NTM: variants seen among roughly 807,000 people sequenced by gnomAD.
The protein encoded by NTM is neurotrimin.
A neutral mutation model predicts 42.1 loss-of-function variants in NTM; 13 were observed. The ratio of observed to expected loss-of-function variants is 0.31; its 90% CI spans 0.20 to 0.49. The LOEUF is 0.49. NTM is among the 20% of genes least tolerant of loss of function. NTM has a pLI of 0.99. For synonymous variants in NTM, 187 were observed against 179.2 expected, an observed-to-expected ratio of 1.04 and a Z score of -0.35; for missense variants, 373 against 452.8, an observed-to-expected ratio of 0.82 and a Z score of 1.60.
intron 1 of NTM, among the ~76,000 whole-genome samples, chr11:131,834,779 C>G (rs866141057): frequency 2.0e-4 from 30 of 151,946 alleles, no homozygotes; most frequent in African/African-American, 6.8e-4. Flanking sequence ...AGCCATGATC[C>G]AATCTAGGCA....
intron 1 of NTM, among the ~76,000 whole-genome samples, chr11:131,789,847 A>G (rs188537283): frequency 2.0e-5 from 3 of 149,404 alleles, no homozygotes; most frequent in African/African-American, 4.9e-5. Flanking sequence ...TCCCAGCTAC[A>G]CGGGAGGCTG....
At chr11:132,126,610 T>A (rs1320889547) in intron 2 of NTM, among the ~76,000 whole-genome samples, 1 of 152,158 alleles carries the variant, frequency 6.6e-6, no homozygotes, top group Non-Finnish European at 1.5e-5. Flanking sequence ...GTTTTACTTT[T>A]ATTTCTCCCA....
chr11:131,989,106 C>T (rs965585627), intron 2 of NTM, among the ~76,000 whole-genome samples: 5 of 152,084 alleles, frequency 3.3e-5, no homozygotes, highest in South Asian at 2.1e-4. Context: ...TGAGATACAT[C>T]GTTAAATATG....
At chr11:132,112,249 T>C (rs1271719508) in intron 2 of NTM, among the ~76,000 whole-genome samples, 1 of 148,622 alleles carries the variant, frequency 6.7e-6, no homozygotes, top group Non-Finnish European at 1.5e-5. Flanking sequence ...CCATTTGTCC[T>C]GTCCACTATA....
intron 2 of NTM, among the ~76,000 whole-genome samples, chr11:131,948,226 G>C (rs1209358335): frequency 2.6e-5 from 4 of 151,876 alleles, no homozygotes; most frequent in African/African-American, 2.4e-5. Context: ...TTAGCCAGGC[G>C]TGGTGGTGGG....
In NTM at chr11:132,146,525, G is replaced by C; in HGVS notation, c.400+11G>C. On this transcript the variant is annotated intron_variant, in intron 3 of 8. Transcript: ENST00000683400. The surrounding 1 kb of genome is among the most constrained non-coding windows in gnomAD (Gnocchi z 4.5). ...ACCTCATTGTGCAAGGTAGGTGGGC[G>C]GGGCTTGGCGGGGAGATCTGGCTGG... 1.2e-6 allele frequency: 2 copies of C among 1,610,508 alleles called. No individual in the cohort carries two copies. The highest frequency in any genetic ancestry group is 1.7e-6 in the Non-Finnish European group (2 of 1,177,224).
chr11:131,446,253 C>A (rs931620691), intron 1 of NTM, among the ~76,000 whole-genome samples: 2 of 148,246 alleles, frequency 1.3e-5, no homozygotes, highest in African/African-American at 4.9e-5. Context: ...TTCTGGACAA[C>A]TGTTCCTATT....
chr11:131,371,582 T>A (rs1941189577), intron 1 of NTM, among the ~76,000 whole-genome samples: 1 of 152,100 alleles, frequency 6.6e-6, no homozygotes, highest in South Asian at 2.1e-4. Flanking sequence ...TAATTTTCTG[T>A]TTATTTATCG....
chr11:132,328,772 A>G (rs569828327), intron 7 of NTM, among the ~76,000 whole-genome samples: 21 of 152,156 alleles, frequency 1.4e-4, no homozygotes, highest in African/African-American at 5.1e-4. Context: ...AGGATCAAAA[A>G]TCACCGGTAC....
At chr11:132,078,924 C>T (rs138587433) in intron 2 of NTM, among the ~76,000 whole-genome samples, 80 of 152,210 alleles carry the variant, frequency 5.3e-4, no homozygotes, top group African/African-American at 1.8e-3. Context: ...AGGAGAAGTC[C>T]AACTTTAGGA....
chr11:131,586,726 A>T (rs1042325630), intron 1 of NTM, among the ~76,000 whole-genome samples: 1 of 152,184 alleles, frequency 6.6e-6, no homozygotes, highest in Non-Finnish European at 1.5e-5. Context: ...TAATTAATAC[A>T]ATGGGTTTTC....
intron 4 of NTM, among the ~76,000 whole-genome samples, chr11:132,282,009 C>T (rs902493149): frequency 2.6e-5 from 4 of 152,174 alleles, no homozygotes; most frequent in East Asian, 1.9e-4. Flanking sequence ...AAAGCAACTA[C>T]GTATTGATAT....
chr11:131,703,646 T>C (rs902369872), intron 1 of NTM, among the ~76,000 whole-genome samples: 2 of 152,096 alleles, frequency 1.3e-5, no homozygotes, highest in African/African-American at 2.4e-5. Context: ...AGCCAAAGAA[T>C]CCAGATGAGA....
chr11:131,415,234 A>T (rs1946822647), intron 1 of NTM, among the ~76,000 whole-genome samples: 2 of 152,174 alleles, frequency 1.3e-5, no homozygotes, highest in South Asian at 4.1e-4. Flanking sequence ...TACAAAGAGA[A>T]TCTCCTCGCA....
intron 4 of NTM, among the ~76,000 whole-genome samples, chr11:132,227,749 G>A (rs1395399520): frequency 1.3e-5 from 2 of 152,172 alleles, no homozygotes; most frequent in Admixed American, 1.3e-4. Flanking sequence ...TGTTGCTAAA[G>A]CAATTGACTG....
chr11:131,880,176 C>A (rs1355886463), intron 1 of NTM, among the ~76,000 whole-genome samples: 1 of 152,324 alleles, frequency 6.6e-6, no homozygotes, highest in Middle Eastern at 3.4e-3. Context: ...ATAAAACTCT[C>A]AATAAATCGA....
At chr11:131,756,826 T>C (rs1204560946) in intron 1 of NTM, among the ~76,000 whole-genome samples, 2 of 152,230 alleles carry the variant, frequency 1.3e-5, no homozygotes, top group Non-Finnish European at 2.9e-5. Context: ...CCTAGGGTAC[T>C]GGGTGAAATT....
At chr11:131,418,015 G>A (rs1299017983) in intron 1 of NTM, among the ~76,000 whole-genome samples, 1 of 152,144 alleles carries the variant, frequency 6.6e-6, no homozygotes, top group East Asian at 1.9e-4. Flanking sequence ...CAGTCAGAGA[G>A]GTTCAGACAA....
At chr11:132,134,755 A>AC (rs201460332) in intron 2 of NTM, among the ~76,000 whole-genome samples, 2 of 80,226 alleles carry the variant, frequency 2.5e-5, no homozygotes, top group Admixed American at 1.6e-4. Flanking sequence ...ATATATATAT[A>AC]TATATCTCAC....
Sources: allele counts gnomAD v4.1 joint callset (sites outside exome capture counted in the v4.1 genomes callset), GRCh38; gene constraint gnomAD v4.1.1; non-coding constraint Gnocchi (gnomAD v3.1); transcripts MANE v1.5; gene names NCBI Gene and HGNC (gene_info 2026-07-23, HGNC 2026-07-21).